The following KRT75 variants were observed in gnomAD, a reference collection of about 807,000 sequenced individuals.
KRT75 encodes the protein keratin 75.
In KRT75, 35 loss-of-function variants were observed where a neutral mutation model predicts 48.8. The ratio of observed to expected loss-of-function variants is 0.72; its 90% CI spans 0.55 to 0.95. The LOEUF is 0.95. Ranked by LOEUF, KRT75 falls within the 40% of genes least tolerant of loss-of-function variation. KRT75 has a pLI of 0.00. For synonymous variants in KRT75, 301 were observed against 282.3 expected, an observed-to-expected ratio of 1.07 and a Z score of -0.66; for missense variants, 776 against 709.9, an observed-to-expected ratio of 1.09 and a Z score of -1.06.
At chr12:52,426,635 A>G (rs1940078895) in intron 8 of KRT75, among the ~76,000 whole-genome samples, 182 bp downstream of exon 8, 1 of 152,246 alleles carries the variant, frequency 6.6e-6, no homozygotes, top group Non-Finnish European at 1.5e-5. Flanking sequence ...GAACTGTGAC[A>G]TTAAAGACTC....
At chr12:52,432,825 A>C (rs909473235) in intron 2 of KRT75, among the ~76,000 whole-genome samples, 2 of 152,242 alleles carry the variant, frequency 1.3e-5, no homozygotes, top group Non-Finnish European at 2.9e-5. Flanking sequence ...CTTTGCAGTC[A>C]TGTGAACAAA....
Position 52,427,060 on chromosome 12 carries a change from A to G in KRT75, c.1383-209T>C, listed in dbSNP as rs17124765. ...AATGAATAAAATAAGGTGGAGTTTG[A>G]GGTTCACAGGAGCAAAATCTATAAT... is the stretch of plus-strand genomic sequence containing the variant. On this transcript the variant is annotated intron_variant, in intron 7 of 8. Transcript: ENST00000252245. Among the ~76,000 whole-genome samples, 1,515 of 152,344 alleles carry G rather than the reference A, an allele frequency of 9.9e-3. 28 individuals are homozygous for G. Among genetic ancestry groups the G allele is most frequent in the African/African-American group, 0.035 (1,450 of 41,570 alleles).
At chr12:52,430,939 G>A (rs939962881) in intron 4 of KRT75, among the ~76,000 whole-genome samples, 1 of 152,200 alleles carries the variant, frequency 6.6e-6, no homozygotes, top group African/African-American at 2.4e-5. Flanking sequence ...GGGTGGGTAA[G>A]CATCCTCTGA....
At chr12:52,430,818 C>G (rs758240277) in intron 4 of KRT75, 113 bp from the exon 5 acceptor site, 3 of 1,188,052 alleles carry the variant, frequency 2.5e-6, no homozygotes, top group Non-Finnish European at 2.5e-6. Flanking sequence ...CTGGCAGATT[C>G]TCCCAGCTAT....
intron 6 of KRT75, 36 bp downstream of exon 6, chr12:52,428,582 G>A (rs1489950905): frequency 3.1e-6 from 5 of 1,614,140 alleles, no homozygotes; most frequent in East Asian, 2.2e-5. Context: ...GAAGAAATGA[G>A]CATTTGAGGA....
chr12:52,425,052 C>T (rs1156654138), intron 8 of KRT75, among the ~76,000 whole-genome samples: 1 of 152,166 alleles, frequency 6.6e-6, no homozygotes, highest in East Asian at 1.9e-4. Flanking sequence ...TCCTGCTGTG[C>T]CGTCTGGGTC....
rs376415903 is a variant in KRT75 at position 52,428,343 on chromosome 12, C to T, written c.1295G>A (p.Arg432His). Residue 432 changes from arginine (R) to histidine (H), a missense_variant, in exon 7 of 9, where the codon CGT becomes CAT. Physicochemically the swap from Arg to His is conservative, Grantham distance 29 (BLOSUM62 0). Coordinates refer to ENST00000252245, the MANE Select transcript of KRT75 (RefSeq NM_004693.3). ...KAKQDMARLL[R>H]EYQELMNIKL... ...GATGTTCATCAGCTCCTGGTACTCA[C>T]GCAGGAGCCGAGCCATGTCCTGCTT... The T allele has an allele frequency of 2.6e-5, 42 of 1,613,794 alleles. No individual in the cohort carries two copies. In the Middle Eastern group the frequency reaches 4.9e-4, roughly 19 times the overall value.
At chr12:52,432,763 A>G (rs1224487765) in intron 2 of KRT75, among the ~76,000 whole-genome samples, 1 of 152,240 alleles carries the variant, frequency 6.6e-6, no homozygotes, top group Non-Finnish European at 1.5e-5. Flanking sequence ...GTGAAATTAC[A>G]TTATGATTTC....
rs758824068 is a variant in KRT75 at position 52,424,685 on chromosome 12, G to A, written c.1488C>T (p.Leu496=). 2.1e-5 allele frequency: 34 copies of A among 1,614,024 alleles called. No individual in the cohort carries two copies. Among genetic ancestry groups the A allele is most frequent in the African/African-American group, 2.7e-5 (2 of 74,936 alleles). Reference sequence around the variant, plus strand: ...TGAAGGAGTAGCCGCTGCCCCCACCGAGGCCCAGGTTTCCACCTCCAATGC... The same window carrying A: ...TGAAGGAGTAGCCGCTGCCCCCACCAAGGCCCAGGTTTCCACCTCCAATGC... ...GSSIGGGNLG[L]GGGSGYSFTT... The change falls in exon 9 of 9, where the codon CTC becomes CTT. Residue 496 remains leucine, a synonymous_variant. Transcript: ENST00000252245.
At chr12:52,427,192 T>G (rs1256806212) in intron 7 of KRT75, among the ~76,000 whole-genome samples, 1 of 152,236 alleles carries the variant, frequency 6.6e-6, no homozygotes, top group Non-Finnish European at 1.5e-5. Flanking sequence ...ATAATAAGAT[T>G]TGTCTCTCAA....
Position 52,432,201 on chromosome 12 carries a change from C to A in KRT75, c.714-135G>T, listed in dbSNP as rs1940154448. The A allele has an allele frequency of 2.4e-5, 18 of 759,390 alleles. No individual in the cohort carries two copies. The South Asian group carries it at 2.7e-4, about 12-fold the overall frequency. The allele number at this position is 759,390 out of a possible 1,614,324, so 47.0% of individuals were successfully genotyped here. ...GACCTGGGCATGACTTTGGGTGATT[C>A]ATTTAACCTCTATTTCTCCCTCCAT... is the stretch of plus-strand genomic sequence containing the variant. On this transcript the variant is annotated intron_variant, in intron 2 of 8. Transcript: ENST00000252245.
At chr12:52,426,094 A>G (rs1482605086) in intron 8 of KRT75, among the ~76,000 whole-genome samples, 2 of 152,194 alleles carry the variant, frequency 1.3e-5, no homozygotes, top group Non-Finnish European at 2.9e-5. Flanking sequence ...ATGCCCATCA[A>G]GAAAACCAAA....
rs1331890035 is a variant in KRT75, at chr12:52,434,119, G to C, written c.186C>G (p.Leu62=). 6.2e-7 allele frequency: 1 copy of C among 1,614,160 alleles called. No individual in the cohort carries two copies. The highest frequency in any genetic ancestry group is 1.1e-5 in the South Asian group (1 of 91,074). The change falls in exon 1 of 9, where the codon CTC becomes CTG. Residue 62 remains leucine (L), a synonymous_variant. Coordinates refer to ENST00000252245, the MANE Select transcript of KRT75 (RefSeq NM_004693.3). ...CCCGCTTGGCACCCCCCAGGTTGTA[G>C]AGGCTGCGGCTTCCAAAGCTGGCCC... is the stretch of plus-strand genomic sequence containing the variant. ...SAGASFGSRS[L]YNLGGAKRVS...
chr12:52,432,094 G>C (rs777831148), intron 2 of KRT75, 28 bp from the exon 3 acceptor site: 5 of 1,612,428 alleles, frequency 3.1e-6, no homozygotes, highest in Non-Finnish European at 4.2e-6. Context: ...GGGGTGTGCT[G>C]TTGAGCAAGT....
At chr12:52,430,010 C>G (rs546141940) in intron 5 of KRT75, among the ~76,000 whole-genome samples, 1 of 152,294 alleles carries the variant, frequency 6.6e-6, no homozygotes, top group Admixed American at 6.5e-5. Context: ...AACCTCTCCC[C>G]ACTCCTCAGC....
Position 52,433,134 on chromosome 12 carries a change from T to A in KRT75, c.617A>T (p.Glu206Val). ...GATGCTTTCCAGCTGCCGTCGGAGC[T>A]CACTGGTATAGGAATCAAAGAGGGG... is the stretch of plus-strand genomic sequence containing the variant. ...LEPLFDSYTSELRRQLESITT... is the reference protein window; with the variant it reads ...LEPLFDSYTSVLRRQLESITT... The change falls in exon 2 of 9, where the codon GAG becomes GTG. Residue 206 changes from glutamate (E) to valine (V), a missense_variant. Physicochemically the swap from Glu to Val is moderately radical, Grantham distance 121. Coordinates refer to ENST00000252245, the MANE Select transcript of KRT75 (RefSeq NM_004693.3). The A allele has an allele frequency of 6.2e-7, 1 of 1,613,594 alleles. No homozygotes were observed. Among genetic ancestry groups the A allele is most frequent in the Non-Finnish European group, 8.5e-7 (1 of 1,179,892 alleles).
Position 52,430,739 on chromosome 12 carries a change from T to A in KRT75, c.871-34A>T, listed in dbSNP as rs539967157. The A allele has an allele frequency of 2.3e-5, 37 of 1,613,366 alleles. No individual in the cohort carries two copies. The African/African-American group carries it at 4.5e-4, about 20-fold the overall frequency. ...CAGTAAACTCAGCATCACCAAGGCA[T>A]AAGATGAAGAATCTTAAATCTTCGT... is the stretch of plus-strand genomic sequence containing the variant. On this transcript the variant is annotated intron_variant, in intron 4 of 8. Transcript: ENST00000252245.
intron 5 of KRT75, among the ~76,000 whole-genome samples, chr12:52,429,086 G>A (rs1940110943): frequency 6.6e-6 from 1 of 152,268 alleles, no homozygotes; most frequent in Non-Finnish European, 1.5e-5. Context: ...GGATGAGAAG[G>A]AGGGACCTAA....
At chr12:52,432,962 C>A in intron 2 of KRT75, 76 bp downstream of exon 2, 2 of 1,467,978 alleles carry the variant, frequency 1.4e-6, no homozygotes, top group Admixed American at 3.4e-5. Context: ...GCATTTGCTC[C>A]TTTGCACCTC....
Sources: gnomAD v4.1 joint callset for allele counts (sites outside exome capture counted in the v4.1 genomes callset) on GRCh38, gnomAD v4.1.1 for gene constraint, MANE v1.5 for transcripts, NCBI Gene and HGNC (gene_info 2026-07-23, HGNC 2026-07-21) for gene names.